The following ZNF618 variants were observed in gnomAD, a reference collection of about 807,000 sequenced individuals.
ZNF618 encodes the protein zinc finger protein 618, also known as neural precursor cell expressed, developmentally down-regulated 10.
Under a neutral mutation model 103.0 loss-of-function variants are expected in ZNF618, and 34 were observed. That is an observed-to-expected ratio of 0.33 (90% confidence interval 0.25 to 0.44). The LOEUF (loss-of-function observed/expected upper bound fraction) is 0.44. Ranked by LOEUF, ZNF618 falls within the 20% of genes least tolerant of loss-of-function variation. The pLI is 1.00. For missense variants in ZNF618, 1,059 were observed against 1,295.4 expected, an observed-to-expected ratio of 0.82 and a Z score of 2.80; for synonymous variants, 551 against 542.2, an observed-to-expected ratio of 1.02 and a Z score of -0.23.
chr9:113,945,027 C>G (rs1335186369), intron 1 of ZNF618, among the ~76,000 whole-genome samples: 1 of 152,154 alleles, frequency 6.6e-6, no homozygotes, highest in African/African-American at 2.4e-5. Context: ...TTGATCGTGT[C>G]GTGATCAGCT....
At chr9:113,898,772 CG>C (rs1830261688) in intron 1 of ZNF618, among the ~76,000 whole-genome samples, 1 of 152,144 alleles carries the variant, frequency 6.6e-6, no homozygotes, top group Non-Finnish European at 1.5e-5. Context: ...TGCAGCAGCC[CG>C]GGGTTAATGA....
chr9:113,992,547 G>T (rs1014264200), intron 3 of ZNF618, among the ~76,000 whole-genome samples: 2 of 152,144 alleles, frequency 1.3e-5, no homozygotes, highest in Non-Finnish European at 2.9e-5. Context: ...GGGGCACTTG[G>T]CGGGGAGTGC....
chr9:114,013,977 A>G (rs771544789), intron 9 of ZNF618, among the ~76,000 whole-genome samples: 6 of 152,244 alleles, frequency 3.9e-5, no homozygotes, highest in South Asian at 2.1e-4. Context: ...GGTTTAAACT[A>G]TCTTTCTCCA....
At chr9:113,999,830 G>A (rs1841002790) in intron 4 of ZNF618, among the ~76,000 whole-genome samples, 1 of 152,180 alleles carries the variant, frequency 6.6e-6, no homozygotes, top group Non-Finnish European at 1.5e-5. Flanking sequence ...TCATTGCTGG[G>A]GCCTCAGTGC....
chr9:114,053,026 G>T lies in ZNF618; in HGVS notation c.*2859G>T, dbSNP rs1846227130. The T allele has an allele frequency of 6.6e-6, 1 of 152,340 alleles. No individual in the cohort carries two copies. Among genetic ancestry groups the T allele is most frequent in the Admixed American group, 6.5e-5 (1 of 15,290 alleles). 9.4% of individuals were successfully genotyped at this position (152,340 alleles called of 1,614,324 possible). A position where few individuals can be genotyped will look rare whatever the true frequency, so the allele number is the denominator to read the frequency against. On this transcript the variant is annotated 3_prime_UTR_variant, in exon 15 of 15. Coordinates refer to ENST00000374126, the MANE Select transcript of ZNF618 (RefSeq NM_001318042.2). ...CCTCTGGGGCTGCCTTGTCCAGTTA[G>T]ATAACAAGATAGCAGATGATTGTTT...
intron 1 of ZNF618, among the ~76,000 whole-genome samples, chr9:113,909,918 G>C (rs868320039): frequency 3.3e-5 from 5 of 152,020 alleles, no homozygotes; most frequent in African/African-American, 1.2e-4. Flanking sequence ...CCGAGTAGCT[G>C]GGATTATAGG....
chr9:113,943,478 C>T (rs771868628), intron 1 of ZNF618, among the ~76,000 whole-genome samples: 4 of 152,096 alleles, frequency 2.6e-5, no homozygotes, highest in South Asian at 2.1e-4. Flanking sequence ...TGCAGACCCA[C>T]GTGCAGTGGG....
At chr9:114,002,235 A>G (rs1277164173) in intron 5 of ZNF618, among the ~76,000 whole-genome samples, 162 bp downstream of exon 5, 1 of 152,024 alleles carries the variant, frequency 6.6e-6, no homozygotes, top group Non-Finnish European at 1.5e-5. Context: ...CAGGCAGGAG[A>G]AGGGAGGCCT....
intron 9 of ZNF618, among the ~76,000 whole-genome samples, chr9:114,010,301 C>CA (rs3034090): frequency 3.1e-4 from 36 of 116,944 alleles, no homozygotes; most frequent in Admixed American, 1.3e-3. Context: ...GACTCTGTCT[C>CA]AAAAAAAAAA....
chr9:114,038,994 C>A (rs1844879499), intron 13 of ZNF618, among the ~76,000 whole-genome samples: 1 of 152,190 alleles, frequency 6.6e-6, no homozygotes, highest in African/African-American at 2.4e-5. Flanking sequence ...ATAACAGTTC[C>A]ACTTCATAGC....
At chr9:113,910,988 G>A (rs1831494174) in intron 1 of ZNF618, among the ~76,000 whole-genome samples, 1 of 151,936 alleles carries the variant, frequency 6.6e-6, no homozygotes, top group Non-Finnish European at 1.5e-5. Flanking sequence ...CTGCCACTAT[G>A]CCTGGCTAAT....
At chr9:113,969,778 T>C (rs1279973875) in intron 2 of ZNF618, among the ~76,000 whole-genome samples, 2 of 152,184 alleles carry the variant, frequency 1.3e-5, no homozygotes, top group African/African-American at 4.8e-5. Context: ...TTAACACCCA[T>C]GCTGCCGCTG....
chr9:113,944,983 G>T (rs1173466060), intron 1 of ZNF618, among the ~76,000 whole-genome samples: 1 of 152,080 alleles, frequency 6.6e-6, no homozygotes, highest in East Asian at 1.9e-4. Context: ...CAGTGTGCAG[G>T]CCACCTGTGA....
intron 3 of ZNF618, 48 bp from the exon 4 acceptor site, chr9:113,998,211 G>C (rs933628577): frequency 1.3e-6 from 2 of 1,527,144 alleles, no homozygotes; most frequent in African/African-American, 2.8e-5. Flanking sequence ...TAACCTTCCA[G>C]GCATTCTCCA....
intron 1 of ZNF618, among the ~76,000 whole-genome samples, chr9:113,907,741 A>C (rs1252507495): frequency 6.6e-6 from 1 of 152,188 alleles, no homozygotes; most frequent in African/African-American, 2.4e-5. Context: ...CCAACTCCCC[A>C]GGCAATGCTT....
Position 113,955,800 on chromosome 9 carries a change from T to G in ZNF618, c.34-13317T>G, listed in dbSNP as rs138298145. Among the ~76,000 whole-genome samples, 18 of 152,278 alleles carry G rather than the reference T, an allele frequency of 1.2e-4. No homozygotes were observed. In the East Asian group the frequency reaches 3.1e-3, roughly 26 times the overall value. On this transcript the variant is annotated intron_variant, in intron 1 of 14. Transcript: ENST00000374126. Reference sequence around the variant, plus strand: ...ATGTATATTTCTTCTGTCTCTGGTCTTCTTTCTTCTTTGATGTCTCTTTTT... The same window carrying G: ...ATGTATATTTCTTCTGTCTCTGGTCGTCTTTCTTCTTTGATGTCTCTTTTT...
intron 1 of ZNF618, among the ~76,000 whole-genome samples, chr9:113,879,408 T>TG (rs1452659548): frequency 1.0e-4 from 15 of 148,734 alleles, no homozygotes; most frequent in African/African-American, 3.7e-4. Flanking sequence ...TTTTTTTTTT[T>TG]TTTTTAAATT....
chr9:114,010,352 A>T (rs949055538), intron 9 of ZNF618, among the ~76,000 whole-genome samples: 1 of 151,946 alleles, frequency 6.6e-6, no homozygotes, highest in African/African-American at 2.4e-5. Context: ...TCAGTGCTCA[A>T]ATACGAGAAG....
At chr9:113,963,040 A>G (rs1479810296) in intron 1 of ZNF618, among the ~76,000 whole-genome samples, 1 of 150,728 alleles carries the variant, frequency 6.6e-6, no homozygotes, top group African/African-American at 2.4e-5. Context: ...TGGAGGAGAC[A>G]GAAAGTTACA....
Sources: allele counts gnomAD v4.1 joint callset (sites outside exome capture counted in the v4.1 genomes callset), GRCh38; gene constraint gnomAD v4.1.1; transcripts MANE v1.5; gene names NCBI Gene and HGNC (gene_info 2026-07-23, HGNC 2026-07-21).